Variants in CDH13 observed in about 807,000 individuals in gnomAD.
CDH13 encodes cadherin 13, also known as cadherin-13.
In CDH13, 24 loss-of-function variants were observed where a neutral mutation model predicts 63.8. The observed-to-expected ratio is 0.38, with a 90% CI of 0.27 to 0.53. CDH13 has a LOEUF of 0.53. CDH13 is among the 20% of genes least tolerant of loss of function. The probability of loss-of-function intolerance (pLI) is 0.85; values close to 1 mark genes in which losing one functional copy is unlikely to be tolerated. For missense variants in CDH13, 1,049 were observed against 903.1 expected (o/e 1.16, Z -2.07); for synonymous variants, 503 against 355.3 (o/e 1.42, Z -4.67).
At chr16:82,669,223 A>C (rs1489358547) in intron 1 of CDH13, among the ~76,000 whole-genome samples, 1 of 152,214 alleles carries the variant, frequency 6.6e-6, no homozygotes, top group African/African-American at 2.4e-5. Context: ...TTGGGGCATC[A>C]TTGAACATTG....
At chr16:83,452,474 G>C (rs1489086668) in intron 6 of CDH13, among the ~76,000 whole-genome samples, 1 of 152,002 alleles carries the variant, frequency 6.6e-6, no homozygotes, top group Admixed American at 6.6e-5. Flanking sequence ...TGTTTTTTAA[G>C]GACAAAGGCT....
intron 5 of CDH13, among the ~76,000 whole-genome samples, chr16:83,224,519 A>C (rs1229034234): frequency 6.6e-6 from 1 of 152,244 alleles, no homozygotes; most frequent in African/African-American, 2.4e-5. Context: ...GGGTCCTATC[A>C]ATCAATAACA....
At chr16:83,020,503 G>A (rs910899431) in intron 2 of CDH13, among the ~76,000 whole-genome samples, 2 of 152,166 alleles carry the variant, frequency 1.3e-5, no homozygotes, top group Non-Finnish European at 2.9e-5. Flanking sequence ...ACAAAGCCAA[G>A]CTGTACTCCA....
chr16:82,836,817 G>A (rs963338648), intron 1 of CDH13, among the ~76,000 whole-genome samples: 1 of 152,150 alleles, frequency 6.6e-6, no homozygotes, highest in African/African-American at 2.4e-5. Context: ...ATTCTAATCT[G>A]CATTTTCATA....
intron 7 of CDH13, among the ~76,000 whole-genome samples, chr16:83,536,817 A>C (rs2075200728): frequency 6.6e-6 from 1 of 152,166 alleles, no homozygotes; most frequent in Non-Finnish European, 1.5e-5. Context: ...AGGAGAGAAA[A>C]TCAACAGCAG....
chr16:82,847,780 C>G (rs971687085), intron 1 of CDH13, among the ~76,000 whole-genome samples: 1 of 152,110 alleles, frequency 6.6e-6, no homozygotes, highest in Non-Finnish European at 1.5e-5. Flanking sequence ...GCCATTCACT[C>G]TGAATTAATT....
intron 6 of CDH13, among the ~76,000 whole-genome samples, chr16:83,384,725 C>T (rs1259637674): frequency 6.6e-6 from 1 of 152,192 alleles, no homozygotes; most frequent in East Asian, 1.9e-4. Flanking sequence ...CAAAAGGCCT[C>T]ATGTGGATCA....
intron 1 of CDH13, among the ~76,000 whole-genome samples, chr16:82,628,560 C>A (rs77998939): frequency 0.04 from 6,023 of 152,226 alleles, 182 homozygotes; most frequent in Non-Finnish European, 0.06. Flanking sequence ...GGCTGCTGAG[C>A]CCGCTCCCAA....
chr16:82,848,863 C>G (rs1053931444), intron 1 of CDH13, among the ~76,000 whole-genome samples: 2 of 152,122 alleles, frequency 1.3e-5, no homozygotes, highest in Non-Finnish European at 2.9e-5. Flanking sequence ...GAAGGCATGT[C>G]AAAAGCTGAG....
chr16:83,139,903 G>A (rs2036456647), intron 4 of CDH13, among the ~76,000 whole-genome samples: 1 of 152,104 alleles, frequency 6.6e-6, no homozygotes, highest in South Asian at 2.1e-4. Context: ...TCTGGAGGCT[G>A]AGGCAGGAGA....
chr16:83,041,348 G>A (rs914485738), intron 3 of CDH13, among the ~76,000 whole-genome samples: 2 of 151,828 alleles, frequency 1.3e-5, no homozygotes, highest in South Asian at 4.1e-4. Context: ...TTTAAAAGAC[G>A]TAATTTTGGC....
intron 10 of CDH13, among the ~76,000 whole-genome samples, chr16:83,685,846 G>T (rs979972935): frequency 2.0e-5 from 3 of 152,188 alleles, no homozygotes; most frequent in South Asian, 2.1e-4. Context: ...ACAGGCCTCT[G>T]CCTCTAGGGA....
At chr16:83,588,622 C>G (rs995193145) in intron 7 of CDH13, among the ~76,000 whole-genome samples, 32 of 152,296 alleles carry the variant, frequency 2.1e-4, no homozygotes, top group African/African-American at 7.5e-4. Context: ...TAGAAAGTGA[C>G]TGACACATTG....
intron 1 of CDH13, among the ~76,000 whole-genome samples, chr16:82,776,013 C>A (rs1710089897): frequency 6.6e-6 from 1 of 152,134 alleles, no homozygotes; most frequent in Admixed American, 6.5e-5. Context: ...AGTTCAAGAC[C>A]AGTCTGGCCA....
intron 2 of CDH13, among the ~76,000 whole-genome samples, chr16:82,904,740 G>T (rs922547009): frequency 6.6e-6 from 1 of 152,158 alleles, no homozygotes; most frequent in Non-Finnish European, 1.5e-5. Flanking sequence ...GGTTTAACGG[G>T]TGGTCAGTAT....
At chr16:82,800,321 C>G (rs1433650835) in intron 1 of CDH13, among the ~76,000 whole-genome samples, 2 of 152,060 alleles carry the variant, frequency 1.3e-5, no homozygotes, top group Non-Finnish European at 2.9e-5. Flanking sequence ...CGTATGAAGA[C>G]CCAGTTCAAT....
chr16:83,126,698 A>G (rs1029110590), intron 4 of CDH13, among the ~76,000 whole-genome samples: 1 of 152,226 alleles, frequency 6.6e-6, no homozygotes, highest in Non-Finnish European at 1.5e-5. Flanking sequence ...AACTTACTGT[A>G]TCAGACATTG....
At chr16:83,769,171 G>C (rs771504675) in intron 11 of CDH13, among the ~76,000 whole-genome samples, 1 of 152,194 alleles carries the variant, frequency 6.6e-6, no homozygotes, top group Non-Finnish European at 1.5e-5. Flanking sequence ...AAGCAGCTGT[G>C]TTCTCATGCT....
At chr16:83,766,288 T>C (rs1018764581) in intron 11 of CDH13, among the ~76,000 whole-genome samples, 1 of 152,204 alleles carries the variant, frequency 6.6e-6, no homozygotes, top group African/African-American at 2.4e-5. Flanking sequence ...TACAAACATA[T>C]ATGATTACAT....
Sources: allele counts gnomAD v4.1 joint callset (sites outside exome capture counted in the v4.1 genomes callset), GRCh38; gene constraint gnomAD v4.1.1; transcripts MANE v1.5; gene names NCBI Gene and HGNC (gene_info 2026-07-23, HGNC 2026-07-21).